NARS2: variants seen among roughly 807,000 people sequenced by gnomAD.
The protein encoded by NARS2 is asparaginyl-tRNA synthetase.
A neutral mutation model predicts 62.9 loss-of-function variants in NARS2; 60 were observed. The ratio of observed to expected loss-of-function variants is 0.95; its 90% CI spans 0.77 to 1.18. The LOEUF is 1.18. NARS2 is among the 50% of genes most tolerant of loss of function. NARS2 has a pLI of 0.00. For synonymous variants in NARS2, 196 were observed against 200.0 expected, an observed-to-expected ratio of 0.98 and a Z score of 0.17; for missense variants, 619 against 576.4, an observed-to-expected ratio of 1.07 and a Z score of -0.76.
At chr11:78,465,001 C>T (rs983217514) in intron 11 of NARS2, among the ~76,000 whole-genome samples, 2 of 152,230 alleles carry the variant, frequency 1.3e-5, no homozygotes, top group Non-Finnish European at 2.9e-5. Flanking sequence ...GTCAATGGGA[C>T]TGGGCGCCGT....
At chr11:78,503,340 C>T (rs561840913) in intron 6 of NARS2, among the ~76,000 whole-genome samples, 5 of 152,280 alleles carry the variant, frequency 3.3e-5, no homozygotes, top group South Asian at 2.1e-4. Flanking sequence ...CAGGTTCAAG[C>T]GATTCTCCTG....
At chr11:78,450,075 T>A (rs1013404226) in intron 11 of NARS2, among the ~76,000 whole-genome samples, 26 of 152,222 alleles carry the variant, frequency 1.7e-4, no homozygotes, top group Non-Finnish European at 3.4e-4. Flanking sequence ...ATGCAAGTCA[T>A]ATGACTCAGG....
At chr11:78,442,296 CT>C (rs1857599933) in intron 12 of NARS2, among the ~76,000 whole-genome samples, 1 of 152,142 alleles carries the variant, frequency 6.6e-6, no homozygotes, top group African/African-American at 2.4e-5. Context: ...TTTCTCAGGA[CT>C]TTTTTAATGC....
At chr11:78,560,176 C>CA (rs1239124171) in intron 4 of NARS2, among the ~76,000 whole-genome samples, 11 of 152,072 alleles carry the variant, frequency 7.2e-5, no homozygotes, top group East Asian at 5.8e-4. Context: ...AAACAAACAG[C>CA]AAAAAAAGGC....
intron 11 of NARS2, among the ~76,000 whole-genome samples, chr11:78,462,616 A>T (rs1858442936): frequency 6.6e-6 from 1 of 152,242 alleles, no homozygotes; most frequent in African/African-American, 2.4e-5. Context: ...AATACTAACT[A>T]CTTACTATCT....
intron 7 of NARS2, among the ~76,000 whole-genome samples, chr11:78,486,340 C>A (rs7926707): frequency 2.0e-5 from 3 of 151,952 alleles, no homozygotes; most frequent in African/African-American, 7.2e-5. Flanking sequence ...TTCTGAAGAA[C>A]AGGAGAAGGT....
chr11:78,471,319 G>A (rs1285837954), intron 9 of NARS2, among the ~76,000 whole-genome samples: 3 of 152,138 alleles, frequency 2.0e-5, no homozygotes, highest in African/African-American at 7.2e-5. Context: ...CTAAGATAAT[G>A]ACTGAAACAC....
chr11:78,515,147 C>T (rs984409488), intron 6 of NARS2, among the ~76,000 whole-genome samples: 6 of 152,136 alleles, frequency 3.9e-5, no homozygotes, highest in African/African-American at 1.4e-4. Flanking sequence ...ACACACAGAA[C>T]CTTGGTGAGA....
At chr11:78,563,753 C>G (rs1235887892) in intron 4 of NARS2, among the ~76,000 whole-genome samples, 1 of 139,522 alleles carries the variant, frequency 7.2e-6, no homozygotes, top group Non-Finnish European at 1.5e-5. Flanking sequence ...ATCCCTTGAA[C>G]CCAGGAGGCG....
At chr11:78,439,683 G>GA (rs1857516450) in intron 13 of NARS2, among the ~76,000 whole-genome samples, 1 of 152,078 alleles carries the variant, frequency 6.6e-6, no homozygotes, top group Non-Finnish European at 1.5e-5. Flanking sequence ...GCCAATTTTA[G>GA]ATTTTTTTGC....
At chr11:78,512,606 A>T (rs1034915528) in intron 6 of NARS2, among the ~76,000 whole-genome samples, 13 of 152,174 alleles carry the variant, frequency 8.5e-5, no homozygotes, top group Admixed American at 8.5e-4. Flanking sequence ...AGTAGCCAGA[A>T]TTCCAATTTA....
intron 5 of NARS2, among the ~76,000 whole-genome samples, chr11:78,539,910 A>T (rs10751293): frequency 0.64 from 98,059 of 152,068 alleles, 34,992 homozygotes; most frequent in Non-Finnish European, 0.81. Flanking sequence ...AAACAAAGTC[A>T]TTCCTTTTAT....
intron 5 of NARS2, chr11:78,546,591 C>T (rs887359050): frequency 1.3e-5 from 2 of 152,228 alleles, no homozygotes; most frequent in Admixed American, 6.5e-5. Context: ...CAGCACATGT[C>T]ATGTAGTCAA....
At chr11:78,547,900 C>A (rs76397262) in intron 5 of NARS2, among the ~76,000 whole-genome samples, 1 of 151,344 alleles carries the variant, frequency 6.6e-6, no homozygotes, top group East Asian at 2.0e-4. Context: ...AGTAAGAAAT[C>A]ATTGATGAAC....
chr11:78,562,281 C>T lies in NARS2; in HGVS notation c.514-2662G>A, dbSNP rs535133434. ...TCTACAAAAAATACATTAAAAAAAA[C>T]GAGCCAGGCACAGTGGTGCATGCCT... is the stretch of plus-strand genomic sequence containing the variant. On this transcript the variant is annotated intron_variant, in intron 4 of 13. Coordinates refer to ENST00000281038, the MANE Select transcript of NARS2 (RefSeq NM_024678.6). Among the ~76,000 whole-genome samples, 5 of 151,736 alleles carry T rather than the reference C, an allele frequency of 3.3e-5. No individual in the cohort carries two copies. In the South Asian group the frequency reaches 6.3e-4, roughly 19 times the overall value.
chr11:78,479,736 G>T (rs1464030958), intron 7 of NARS2, among the ~76,000 whole-genome samples: 1 of 152,188 alleles, frequency 6.6e-6, no homozygotes, highest in Non-Finnish European at 1.5e-5. Context: ...TTAAAGGCAG[G>T]TATCTTCTCT....
chr11:78,488,790 C>CAT lies in NARS2; in HGVS notation c.822+4271_822+4272dup, dbSNP rs529181598. Among the ~76,000 whole-genome samples, 282 of 152,086 alleles carry CAT rather than the reference C, an allele frequency of 1.9e-3. 1 individual carries two copies. Among genetic ancestry groups the CAT allele is most frequent in the African/African-American group, 6.5e-3 (270 of 41,478 alleles). On this transcript the variant is annotated intron_variant, in intron 7 of 13. Transcript: ENST00000281038. ...AGAATAGAGGATTCTGAAATAGATC[C>CAT]ATATATATATGACCAACTGATTTTT...
intron 1 of NARS2, 138 bp from the exon 2 acceptor site, chr11:78,571,582 A>G (rs1856924934): frequency 1.6e-6 from 1 of 608,794 alleles, no homozygotes; most frequent in South Asian, 2.1e-5. Flanking sequence ...GTTCACCAAT[A>G]TGCATACTTA....
intron 11 of NARS2, among the ~76,000 whole-genome samples, chr11:78,462,543 C>T (rs927682435): frequency 5.3e-5 from 8 of 152,224 alleles, no homozygotes; most frequent in Middle Eastern, 6.8e-3. Context: ...AAACAGTCTG[C>T]AGTCTAGAAA....
Sources: allele counts gnomAD v4.1 joint callset (sites outside exome capture counted in the v4.1 genomes callset), GRCh38; gene constraint gnomAD v4.1.1; transcripts MANE v1.5; gene names NCBI Gene and HGNC (gene_info 2026-07-23, HGNC 2026-07-21).